BTBD1: variants seen among roughly 807,000 people sequenced by gnomAD.
The protein encoded by BTBD1 is BTB/POZ domain-containing protein 1.
A neutral mutation model predicts 48.0 loss-of-function variants in BTBD1; 34 were observed. The observed-to-expected ratio is 0.71, with a 90% CI of 0.54 to 0.94. BTBD1 has a LOEUF of 0.94. Ranked by LOEUF, BTBD1 falls within the 40% of genes least tolerant of loss-of-function variation. The pLI is 0.00. For synonymous variants in BTBD1, 261 were observed against 242.1 expected (o/e 1.08, Z -0.72); for missense variants, 543 against 625.6 (o/e 0.87, Z 1.41).
At chr15:83,039,984 G>GACACACACACACAC (rs34590396) in intron 4 of BTBD1, among the ~76,000 whole-genome samples, 10 of 146,116 alleles carry the variant, frequency 6.8e-5, no homozygotes, top group African/African-American at 2.0e-4. Context: ...TAGAGAATGT[G>GACACACACACACAC]ACACACACAC....
chr15:83,041,185 A>T (rs1401957203), intron 4 of BTBD1, among the ~76,000 whole-genome samples: 3 of 150,984 alleles, frequency 2.0e-5, no homozygotes, highest in Admixed American at 6.6e-5. Flanking sequence ...AAAAAAAGCC[A>T]AAAAGATCTG....
intron 1 of BTBD1, among the ~76,000 whole-genome samples, chr15:83,059,101 T>C (rs1363836528): frequency 6.6e-6 from 1 of 152,202 alleles, no homozygotes; most frequent in Non-Finnish European, 1.5e-5. Context: ...ATTACAGCAA[T>C]GTCTTCTGTA....
intron 3 of BTBD1, among the ~76,000 whole-genome samples, chr15:83,046,568 G>C (rs1167992260): frequency 6.6e-6 from 1 of 152,172 alleles, no homozygotes; most frequent in Non-Finnish European, 1.5e-5. Flanking sequence ...CATAATTTAA[G>C]AGCAATTTAT....
At position 83,042,343 on chromosome 15, in the gene BTBD1, C is replaced by T. The variant is rs995625610; in HGVS notation, c.665-418G>A. Among the ~76,000 whole-genome samples the T allele has an allele frequency of 3.7e-5, 3 of 80,848 alleles. No homozygotes were observed. The East Asian group carries it at 7.1e-4, about 19-fold the overall frequency. 53.0% of individuals were successfully genotyped at this position (80,848 alleles called of 152,430 possible). A position where few individuals can be genotyped will look rare whatever the true frequency, so the allele number is the denominator to read the frequency against. On this transcript the variant is annotated intron_variant, in intron 3 of 7. Transcript: ENST00000261721. ...GCACTACGTGCCAGGTACTATTAGGCAATTTTATATATATATATATATATA... is the reference window on the plus strand; with the variant it reads ...GCACTACGTGCCAGGTACTATTAGGTAATTTTATATATATATATATATATA...
intron 5 of BTBD1, among the ~76,000 whole-genome samples, chr15:83,023,968 A>G (rs2032352943): frequency 6.6e-6 from 1 of 152,126 alleles, no homozygotes. Context: ...CCCAGGTTCA[A>G]GCGATCCTCC....
chr15:83,035,546 T>C (rs1297413647), intron 4 of BTBD1, among the ~76,000 whole-genome samples: 1 of 151,568 alleles, frequency 6.6e-6, no homozygotes, highest in Non-Finnish European at 1.5e-5. Context: ...CTAATGAAAA[T>C]ACACATATTA....
intron 7 of BTBD1, 86 bp downstream of exon 7, chr15:83,018,621 C>T: frequency 6.9e-7 from 1 of 1,452,014 alleles, no homozygotes; most frequent in Non-Finnish European, 9.3e-7. Context: ...ATAAATGGCT[C>T]AGCTGTCAGT....
In BTBD1 at chr15:83,050,137, T is replaced by C. The variant is rs755830479; in HGVS notation, c.600A>G (p.Leu200=). The C allele has an allele frequency of 1.9e-6, 3 of 1,613,122 alleles. No homozygotes were observed. In the South Asian group the frequency reaches 3.3e-5, roughly 18 times the overall value. Residue 200 remains leucine (L), a synonymous_variant, in exon 3 of 8, where the codon CTA becomes CTG. Coordinates refer to ENST00000261721, the MANE Select transcript of BTBD1 (RefSeq NM_025238.4). The part of the protein sequence containing the change: ...FDEPQLASLC[L]DTIDKSTMDA... ...CCATTGTGCTTTTGTCTATTGTATC[T>C]AGACAAAGACTAGCAAGCTGAGGTT...
At chr15:83,019,953 G>C (rs1596419441) in intron 6 of BTBD1, among the ~76,000 whole-genome samples, 2 of 99,438 alleles carry the variant, frequency 2.0e-5, no homozygotes, top group East Asian at 3.4e-4. Flanking sequence ...CTGGGCAACA[G>C]AGCAAGACTC....
chr15:83,062,113 G>A (rs1596445715), intron 1 of BTBD1, among the ~76,000 whole-genome samples: 1 of 152,170 alleles, frequency 6.6e-6, no homozygotes, highest in African/African-American at 2.4e-5. Context: ...TGGATGGAGA[G>A]GAGATGAAGA....
rs764027565 is a variant in BTBD1 at position 83,018,118 on chromosome 15, A to G, written c.1398T>C (p.Asn466=). The G allele has an allele frequency of 1.2e-6, 2 of 1,611,416 alleles. No homozygotes were observed. The highest frequency in any genetic ancestry group is 1.7e-6 in the Non-Finnish European group (2 of 1,178,500). The change falls in exon 8 of 8, where the codon AAT becomes AAC. Residue 466 remains asparagine (N), a synonymous_variant. Coordinates refer to ENST00000261721, the MANE Select transcript of BTBD1 (RefSeq NM_025238.4). ...TTTGTCCATCTTCTATTGAAGTGCC[A>G]TTATTATTGCCAGGGGAACTAAAAA... The part of the protein sequence containing the change: ...FFFFSSPGNN[N]GTSIEDGQIP...
chr15:83,051,488 ATTT>A (rs2032980579), intron 2 of BTBD1, among the ~76,000 whole-genome samples: 1 of 149,408 alleles, frequency 6.7e-6, no homozygotes. Flanking sequence ...ATATATATAT[ATTT>A]TAAGTTTAAA....
chr15:83,020,630 T>G, intron 6 of BTBD1, 45 bp downstream of exon 6: 1 of 1,251,324 alleles, frequency 8.0e-7, no homozygotes, highest in Non-Finnish European at 1.1e-6. Context: ...AAGTTACCTG[T>G]TTGTGTTATT....
chr15:83,054,417 T>C (rs2033047032), intron 2 of BTBD1, among the ~76,000 whole-genome samples: 1 of 152,114 alleles, frequency 6.6e-6, no homozygotes, highest in South Asian at 2.1e-4. Context: ...AGTGCCATAA[T>C]ATATGTAAAG....
At chr15:83,046,512 CCT>C (rs1354485801) in intron 3 of BTBD1, among the ~76,000 whole-genome samples, 5 of 152,108 alleles carry the variant, frequency 3.3e-5, no homozygotes, top group Admixed American at 6.5e-5. Flanking sequence ...TGGCTTCTAC[CCT>C]GTACAAGGCA....
At chr15:83,065,067 C>A (rs2033237823) in intron 1 of BTBD1, among the ~76,000 whole-genome samples, 1 of 152,180 alleles carries the variant, frequency 6.6e-6, no homozygotes, top group South Asian at 2.1e-4. Context: ...TGCTATCCGT[C>A]ATATTTAGTG....
intron 2 of BTBD1, among the ~76,000 whole-genome samples, chr15:83,055,899 C>T (rs536736069): frequency 1.6e-4 from 25 of 152,150 alleles, no homozygotes; most frequent in Non-Finnish European, 3.5e-4. Flanking sequence ...ATGTATAAGG[C>T]TTTAGCTTCT....
chr15:83,056,576 G>GGTCAGTAAT (rs1255526555), intron 1 of BTBD1, 31 bp from the exon 2 acceptor site: 3 of 1,586,952 alleles, frequency 1.9e-6, no homozygotes, highest in Non-Finnish European at 2.6e-6. Flanking sequence ...TTGCAGAGAT[G>GGTCAGTAAT]GTCAGTAATG....
At chr15:83,044,252 G>C (rs1721819861) in intron 3 of BTBD1, 4 of 627,858 alleles carry the variant, frequency 6.4e-6, no homozygotes, top group Non-Finnish European at 1.1e-5. Context: ...AATATAGGCA[G>C]GTAAAATAAA....
Sources: allele counts gnomAD v4.1 joint callset (sites outside exome capture counted in the v4.1 genomes callset), GRCh38; gene constraint gnomAD v4.1.1; transcripts MANE v1.5; gene names NCBI Gene and HGNC (gene_info 2026-07-23, HGNC 2026-07-21).